DCDC2C: variants seen among roughly 807,000 people sequenced by gnomAD.
DCDC2C encodes doublecortin domain containing 2C.
DCDC2C carries 44 observed loss-of-function variants against 45.0 expected under a neutral mutation model. The ratio of observed to expected loss-of-function variants is 0.98; its 90% confidence interval spans 0.77 to 1.26. The LOEUF is 1.26. Ranked by LOEUF, DCDC2C falls within the 50% of genes most tolerant of loss-of-function variation. The pLI is 0.00. For missense variants in DCDC2C, 447 were observed against 468.9 expected, an observed-to-expected ratio of 0.95 and a Z score of 0.43; for synonymous variants, 187 against 178.8, an observed-to-expected ratio of 1.05 and a Z score of -0.37.
chr2:3,726,874 T>G, intron 2 of DCDC2C, 129 bp from the exon 3 acceptor site: 2 of 765,572 alleles, frequency 2.6e-6, no homozygotes, highest in East Asian at 2.8e-5. Context: ...GACCCGCCCC[T>G]GGGTGTTCTA....
chr2:3,725,088 G>C (rs1558564123), intron 2 of DCDC2C, among the ~76,000 whole-genome samples: 1 of 152,168 alleles, frequency 6.6e-6, no homozygotes, highest in Non-Finnish European at 1.5e-5. Flanking sequence ...GACCTTCTGG[G>C]GGATGGGGTG....
Position 3,703,864 on chromosome 2 carries a change from G to C in DCDC2C, c.113G>C (p.Arg38Pro). The change falls in exon 1 of 11, where the codon CGC becomes CCC. Residue 38 changes from arginine (R) to proline (P), a missense_variant. Coordinates refer to ENST00000399143, the MANE Select transcript of DCDC2C (RefSeq NM_001287444.2). The surrounding 1 kb of genome is among the most constrained non-coding windows in gnomAD (Gnocchi z 4.4). ...YVGKKFVLSR[R>P]RAATFEALLE... ...GGCAAGAAGTTCGTGCTGTCGCGGC[G>C]CCGCGCGGCCACCTTCGAGGCGCTG... 2 of 1,290,282 alleles carry C rather than the reference G, an allele frequency of 1.6e-6. No homozygotes were observed. The highest frequency in any genetic ancestry group is 2.0e-6 in the Non-Finnish European group (2 of 1,014,378). 79.9% of individuals were successfully genotyped at this position (1,290,282 alleles called of 1,614,324 possible).
At chr2:3,707,893 C>T (rs1668109105) in intron 1 of DCDC2C, among the ~76,000 whole-genome samples, 1 of 152,198 alleles carries the variant, frequency 6.6e-6, no homozygotes, top group Admixed American at 6.5e-5. Context: ...CAATAACAAT[C>T]TCAAATACAT....
intron 6 of DCDC2C, among the ~76,000 whole-genome samples, chr2:3,767,099 T>C (rs1451898890): frequency 6.6e-6 from 1 of 152,252 alleles, no homozygotes; most frequent in Non-Finnish European, 1.5e-5. Flanking sequence ...TTCAGTAGGC[T>C]AGGTGTGTTA....
chr2:3,836,778 C>T (rs929265281), intron 10 of DCDC2C, among the ~76,000 whole-genome samples: 1 of 150,496 alleles, frequency 6.6e-6, no homozygotes, highest in Non-Finnish European at 1.5e-5. Flanking sequence ...AGGAGAATGA[C>T]GTGAACCCGG....
In DCDC2C at chr2:3,747,496, G is replaced by A. The variant is rs1011020878; in HGVS notation, c.546-5267G>A. Among the ~76,000 whole-genome samples the A allele has an allele frequency of 3.3e-5, 5 of 152,318 alleles. No homozygotes were observed. In the South Asian group the frequency reaches 8.3e-4, roughly 25 times the overall value. On this transcript the variant is annotated intron_variant, in intron 4 of 10. Coordinates refer to ENST00000399143, the MANE Select transcript of DCDC2C (RefSeq NM_001287444.2). ...GTCATGGAGCAGCCTGGCCACCACC[G>A]TTAGTGGCAGCTGCTTGCCCCAGTG...
At chr2:3,790,657 T>G (rs1203349246) in intron 10 of DCDC2C, among the ~76,000 whole-genome samples, 1 of 152,226 alleles carries the variant, frequency 6.6e-6, no homozygotes, top group African/African-American at 2.4e-5. Context: ...TTTATTATGT[T>G]GATACTACTC....
At position 3,727,069 on chromosome 2, in the gene DCDC2C, C is replaced by A; in HGVS notation, c.406C>A (p.Arg136=). ...GTGGCAAACATATCATCGTATATCT[C>A]GACATATAAAGTGAGTATAATATTA... ...SKWQTYHRIS[R]HINVFTNGRL... The change falls in exon 3 of 11, where the codon CGA becomes AGA. Residue 136 remains arginine, a synonymous_variant. Coordinates refer to ENST00000399143, the MANE Select transcript of DCDC2C (RefSeq NM_001287444.2). 1.3e-6 allele frequency: 2 copies of A among 1,549,018 alleles called. No homozygotes were observed. Among genetic ancestry groups the A allele is most frequent in the South Asian group, 2.4e-5 (2 of 83,938 alleles).
At chr2:3,771,721 T>C (rs1670175740) in intron 8 of DCDC2C, among the ~76,000 whole-genome samples, 1 of 152,128 alleles carries the variant, frequency 6.6e-6, no homozygotes. Flanking sequence ...ACCGGGTGGG[T>C]GGCTGCATCC....
At chr2:3,845,365 C>T (rs775121338) in intron 10 of DCDC2C, among the ~76,000 whole-genome samples, 6 of 152,162 alleles carry the variant, frequency 3.9e-5, no homozygotes, top group Non-Finnish European at 8.8e-5. Flanking sequence ...GCACTTGACT[C>T]CAGGTTGGCT....
chr2:3,719,838 G>A (rs1011626214), intron 2 of DCDC2C, among the ~76,000 whole-genome samples: 1 of 152,204 alleles, frequency 6.6e-6, no homozygotes, highest in African/African-American at 2.4e-5. Flanking sequence ...CCTCCCTGTG[G>A]GTGCCTCATG....
intron 5 of DCDC2C, among the ~76,000 whole-genome samples, chr2:3,753,604 C>T (rs551392035): frequency 1.3e-5 from 2 of 152,168 alleles, no homozygotes; most frequent in African/African-American, 2.4e-5. Context: ...AAAGAGCTGC[C>T]ATTTTTCATC....
intron 4 of DCDC2C, among the ~76,000 whole-genome samples, chr2:3,747,547 G>A (rs555105002): frequency 5.9e-5 from 9 of 152,200 alleles, no homozygotes; most frequent in South Asian, 4.1e-4. Context: ...TCAGCACAGC[G>A]TGTCCTGTGT....
intron 10 of DCDC2C, among the ~76,000 whole-genome samples, chr2:3,813,018 C>T (rs1195173694): frequency 7.0e-6 from 1 of 142,466 alleles, no homozygotes; most frequent in Non-Finnish European, 1.5e-5. Context: ...AGAATAAGTG[C>T]TATGTGGCAC....
At chr2:3,745,996 A>C (rs1669349896) in intron 4 of DCDC2C, among the ~76,000 whole-genome samples, 1 of 152,130 alleles carries the variant, frequency 6.6e-6, no homozygotes, top group African/African-American at 2.4e-5. Flanking sequence ...AATGTATCCA[A>C]ATAGCTCAGA....
intron 10 of DCDC2C, among the ~76,000 whole-genome samples, chr2:3,807,445 G>C (rs1156455714): frequency 2.0e-5 from 3 of 152,156 alleles, no homozygotes. Context: ...GAGTTTTCAA[G>C]GGCCTTCATG....
rs541684274 is a variant in DCDC2C, at chr2:3,847,412, C to T, written c.*229C>T. ...TTAGTAAACATTTTAAAGAATGAAACGTGGTTCTTTATCATTAAGCCCCCA... is the reference window on the plus strand; with the variant it reads ...TTAGTAAACATTTTAAAGAATGAAATGTGGTTCTTTATCATTAAGCCCCCA... On this transcript the variant is annotated 3_prime_UTR_variant, in exon 11 of 11. Transcript: ENST00000399143. The T allele has an allele frequency of 6.3e-4, 218 of 347,706 alleles. No homozygotes were observed. The highest frequency in any genetic ancestry group is 2.4e-3 in the African/African-American group (114 of 47,504). 21.5% of individuals were successfully genotyped at this position (347,706 alleles called of 1,614,324 possible).
At chr2:3,799,902 C>G (rs56317255) in intron 10 of DCDC2C, among the ~76,000 whole-genome samples, 5,722 of 152,178 alleles carry the variant, frequency 0.038, 143 homozygotes, top group Non-Finnish European at 0.053. Context: ...CCACCCAGTT[C>G]GAGCTTCCCA....
chr2:3,846,142 TTCC>T lies in DCDC2C; in HGVS notation c.1066-998_1066-996del, dbSNP rs544744777. Among the ~76,000 whole-genome samples the T allele has an allele frequency of 8.2e-4, 124 of 152,056 alleles. 2 individuals carry two copies. The highest frequency in any genetic ancestry group is 2.3e-3 in the African/African-American group (94 of 41,474). The stretch of plus-strand genomic sequence containing the variant: ...CCCTCCTTCCCTCCTCGTCCTCTTC[TTCC>T]TCCTCCTCCTCCTACTTCTTCTTCG... On this transcript the variant is annotated intron_variant, in intron 10 of 10. Transcript: ENST00000399143.
Sources: allele counts gnomAD v4.1 joint callset (sites outside exome capture counted in the v4.1 genomes callset), GRCh38; gene constraint gnomAD v4.1.1; non-coding constraint Gnocchi (gnomAD v3.1); transcripts MANE v1.5; gene names NCBI Gene and HGNC (gene_info 2026-07-23, HGNC 2026-07-21).